MCF2L2: variants seen among roughly 807,000 people sequenced by gnomAD.
MCF2L2 encodes the protein MCF.2 cell line derived transforming sequence-like 2.
MCF2L2 carries 102 observed loss-of-function variants against 150.2 expected under a neutral mutation model. The observed-to-expected ratio is 0.68, with a 90% CI of 0.58 to 0.80. The LOEUF (loss-of-function observed/expected upper bound fraction) is 0.80, where lower values mean the gene tolerates loss of function less well. MCF2L2 is among the 30% of genes least tolerant of loss of function. The pLI is 0.00. For missense variants in MCF2L2, 1,256 were observed against 1,372.8 expected, an observed-to-expected ratio of 0.91 and a Z score of 1.34; for synonymous variants, 465 against 491.3, an observed-to-expected ratio of 0.95 and a Z score of 0.71.
At chr3:183,242,507 A>G (rs1724074401) in intron 15 of MCF2L2, among the ~76,000 whole-genome samples, 1 of 152,232 alleles carries the variant, frequency 6.6e-6, no homozygotes, top group Admixed American at 6.5e-5. Flanking sequence ...AGCTCAGGCC[A>G]TTGGTTCAGA....
In MCF2L2 at chr3:183,283,144, G is replaced by A. The variant is rs1404600261; in HGVS notation, c.1776+5976C>T. Among the ~76,000 whole-genome samples the A allele has an allele frequency of 1.3e-5, 2 of 152,148 alleles. No individual in the cohort carries two copies. The highest frequency in any genetic ancestry group is 4.8e-5 in the African/African-American group (2 of 41,436). ...TTCATTCTACACATTTTCTCTGATA[G>A]TCGTGTTCTAGCCACTAGGGAGAAC... On this transcript the variant is annotated intron_variant, in intron 14 of 29. Transcript: ENST00000328913. This position sits in a 1 kb window ranked among gnomAD's most constrained non-coding sequence, Gnocchi z 4.2.
chr3:183,339,779 CAG>C (rs1323703204), intron 4 of MCF2L2, among the ~76,000 whole-genome samples: 1 of 151,756 alleles, frequency 6.6e-6, no homozygotes, highest in Non-Finnish European at 1.5e-5. Flanking sequence ...TTTTCTAAAT[CAG>C]GTCTTTACTC....
chr3:183,386,268 CTT>C (rs1481610458), intron 2 of MCF2L2, among the ~76,000 whole-genome samples: 3 of 152,330 alleles, frequency 2.0e-5, no homozygotes, highest in South Asian at 4.1e-4. Context: ...CTTATACTCT[CTT>C]GTTTCCTAGC....
intron 15 of MCF2L2, among the ~76,000 whole-genome samples, chr3:183,276,261 A>G (rs760634990): frequency 5.3e-5 from 8 of 152,240 alleles, no homozygotes; most frequent in Non-Finnish European, 1.0e-4. Context: ...CATTCATTCT[A>G]CAGACATTTT....
At position 183,179,228 on chromosome 3, in the gene MCF2L2, G is replaced by T. The variant is rs1721422177; in HGVS notation, c.*152C>A. On this transcript the variant is annotated 3_prime_UTR_variant, in exon 30 of 30. Transcript: ENST00000328913. The surrounding 1 kb of genome is among the most constrained non-coding windows in gnomAD (Gnocchi z 4.2). The stretch of plus-strand genomic sequence containing the variant: ...GGCGCGCACCCAGGACACCCCTCGG[G>T]CTCCTCGGAGGAGGCCCTGGTTGTC... The T allele has an allele frequency of 3.7e-6, 4 of 1,077,760 alleles. No individual in the cohort carries two copies. The highest frequency in any genetic ancestry group is 4.9e-6 in the Non-Finnish European group (4 of 818,630). 66.8% of individuals were successfully genotyped at this position (1,077,760 alleles called of 1,614,324 possible). A position where few individuals can be genotyped will look rare whatever the true frequency, so the allele number is the denominator to read the frequency against.
intron 1 of MCF2L2, among the ~76,000 whole-genome samples, chr3:183,410,522 C>T (rs946590778): frequency 1.3e-5 from 2 of 152,184 alleles, no homozygotes; most frequent in Non-Finnish European, 2.9e-5. Context: ...TATGCCCGGG[C>T]CAGTGCCTTG....
At chr3:183,323,601 G>C (rs1484151972) in intron 5 of MCF2L2, among the ~76,000 whole-genome samples, 2 of 151,516 alleles carry the variant, frequency 1.3e-5, no homozygotes, top group Admixed American at 6.6e-5. Flanking sequence ...AGACCAGCCA[G>C]AGCAACATAG....
intron 25 of MCF2L2, among the ~76,000 whole-genome samples, chr3:183,199,170 C>T (rs1350715449): frequency 1.3e-5 from 2 of 152,172 alleles, no homozygotes; most frequent in East Asian, 1.9e-4. Flanking sequence ...CAGCTTTGCA[C>T]GTTCCTGAGC....
intron 15 of MCF2L2, among the ~76,000 whole-genome samples, chr3:183,255,577 G>A (rs765830196): frequency 3.3e-5 from 5 of 152,174 alleles, no homozygotes; most frequent in Non-Finnish European, 7.3e-5. Flanking sequence ...TGTTATCACA[G>A]GAAAGGCCCA....
At chr3:183,292,262 T>C (rs1728197672) in intron 13 of MCF2L2, among the ~76,000 whole-genome samples, 1 of 152,052 alleles carries the variant, frequency 6.6e-6, no homozygotes, top group African/African-American at 2.4e-5. Context: ...TGAAAGAATT[T>C]ATTGCTAACA....
In MCF2L2 at chr3:183,195,204, A is replaced by G; in HGVS notation, c.2918+18T>C. 6.4e-7 allele frequency: 1 copy of G among 1,556,596 alleles called. No individual in the cohort carries two copies. The highest frequency in any genetic ancestry group is 8.7e-7 in the Non-Finnish European group (1 of 1,143,200). On this transcript the variant is annotated intron_variant, in intron 26 of 29. Coordinates refer to ENST00000328913, the MANE Select transcript of MCF2L2 (RefSeq NM_015078.4). ...AAAGCATTTGACATGCCTTTAAAAT[A>G]AAAAAATCAGTACTCACCTCGTGCT...
chr3:183,218,361 C>T (rs1000637013), intron 21 of MCF2L2, among the ~76,000 whole-genome samples: 1 of 152,144 alleles, frequency 6.6e-6, no homozygotes, highest in African/African-American at 2.4e-5. Context: ...CTTGGCAGGG[C>T]GCAGTGGCTC....
At chr3:183,259,335 T>C (rs1406333995) in intron 15 of MCF2L2, among the ~76,000 whole-genome samples, 6 of 152,162 alleles carry the variant, frequency 3.9e-5, no homozygotes, top group Admixed American at 3.3e-4. Context: ...GAGTAGTGGC[T>C]GTTTGTAGCA....
rs1268999641 is a variant in MCF2L2, at chr3:183,179,705, G to A, written c.3106-13C>T. 3.1e-6 allele frequency: 5 copies of A among 1,607,446 alleles called. No homozygotes were observed. The highest frequency in any genetic ancestry group is 1.1e-5 in the South Asian group (1 of 90,886). On this transcript the variant is annotated splice_polypyrimidine_tract_variant and intron_variant, in intron 28 of 29. Coordinates refer to ENST00000328913, the MANE Select transcript of MCF2L2 (RefSeq NM_015078.4). The surrounding 1 kb of genome is among the most constrained non-coding windows in gnomAD (Gnocchi z 4.2). ...AAAGGCCCGCGAGCTGGAAGGGAGGGGACGGGTGCACCCTCAGAGTTATTG... is the reference window on the plus strand; with the variant it reads ...AAAGGCCCGCGAGCTGGAAGGGAGGAGACGGGTGCACCCTCAGAGTTATTG...
chr3:183,311,293 T>C (rs1048002452), intron 8 of MCF2L2, among the ~76,000 whole-genome samples: 5 of 152,184 alleles, frequency 3.3e-5, no homozygotes, highest in African/African-American at 9.7e-5. Flanking sequence ...CTCCGGCTGA[T>C]CTTACCTTCA....
At chr3:183,319,941 G>A (rs1729742440) in intron 6 of MCF2L2, among the ~76,000 whole-genome samples, 2 of 152,158 alleles carry the variant, frequency 1.3e-5, no homozygotes, top group South Asian at 4.1e-4. Context: ...AGCTGCATTA[G>A]CCCCTAACAA....
intron 5 of MCF2L2, among the ~76,000 whole-genome samples, chr3:183,328,991 C>T (rs1454456860): frequency 6.6e-6 from 1 of 151,968 alleles, no homozygotes; most frequent in East Asian, 1.9e-4. Context: ...CCACAACATG[C>T]CTATTAAATG....
intron 1 of MCF2L2, among the ~76,000 whole-genome samples, chr3:183,402,375 C>A (rs78390384): frequency 0.36 from 53,009 of 148,928 alleles, 9,571 homozygotes; most frequent in Middle Eastern, 0.41. Context: ...AATGGCGTGA[C>A]CTCGGGAGGC....
chr3:183,267,608 C>T lies in MCF2L2; in HGVS notation c.1862+9264G>A, dbSNP rs550268772. 1.1e-4 allele frequency among the ~76,000 whole-genome samples: 16 copies of T among 152,368 alleles called. No homozygotes were observed. The East Asian group carries it at 1.2e-3, about 11-fold the overall frequency. ...GGCTTGCTATGTGGCTCAGCCTACA[C>T]GGCTCTCTCCCCGTCAGTCCTGTCC... On this transcript the variant is annotated intron_variant, in intron 15 of 29. Transcript: ENST00000328913. This position sits in a 1 kb window ranked among gnomAD's most constrained non-coding sequence, Gnocchi z 5.5.
Sources: gnomAD v4.1 joint callset for allele counts (sites outside exome capture counted in the v4.1 genomes callset) on GRCh38, gnomAD v4.1.1 for gene constraint, Gnocchi (gnomAD v3.1) non-coding constraint, MANE v1.5 for transcripts, NCBI Gene and HGNC (gene_info 2026-07-23, HGNC 2026-07-21) for gene names.